CYTH1: variants seen among roughly 807,000 people sequenced by gnomAD.
CYTH1 encodes the protein cytohesin-1.
Under a neutral mutation model 61.8 loss-of-function variants are expected in CYTH1, and 18 were observed. The observed-to-expected ratio is 0.29, with a 90% CI of 0.20 to 0.43. The LOEUF (loss-of-function observed/expected upper bound fraction) is 0.43. Among genes scored for constraint, CYTH1 ranks in the 20% least tolerant of loss-of-function variants. The pLI, the probability that CYTH1 is intolerant of heterozygous loss-of-function variation, is 1.00. For synonymous variants in CYTH1, 174 were observed against 184.3 expected, an observed-to-expected ratio of 0.94 and a Z score of 0.45; for missense variants, 336 against 510.5, an observed-to-expected ratio of 0.66 and a Z score of 3.29.
chr17:78,780,027 A>G (rs143342610), intron 1 of CYTH1, among the ~76,000 whole-genome samples: 91 of 152,396 alleles, frequency 6.0e-4, no homozygotes, highest in African/African-American at 2.0e-3. Context: ...TGCCCACGGC[A>G]GCAGGCAAGA....
chr17:78,717,711 T>G lies in CYTH1; in HGVS notation c.23-7979A>C, dbSNP rs1010411347. On this transcript the variant is annotated intron_variant, in intron 1 of 13. Transcript: ENST00000446868. The surrounding 1 kb of genome is among the most constrained non-coding windows in gnomAD (Gnocchi z 4.4). The stretch of plus-strand genomic sequence containing the variant: ...AGATGCCCGGGGATATGCCATAAAG[T>G]TCCACGGAAAACGCAGCTCTCTGAC... Among the ~76,000 whole-genome samples, 1 of 152,050 alleles carries G rather than the reference T, an allele frequency of 6.6e-6. No individual in the cohort carries two copies. Among genetic ancestry groups the G allele is most frequent in the African/African-American group, 2.4e-5 (1 of 41,392 alleles).
intron 1 of CYTH1, among the ~76,000 whole-genome samples, chr17:78,779,442 T>C (rs1432522425): frequency 6.7e-6 from 1 of 150,152 alleles, no homozygotes; most frequent in Non-Finnish European, 1.5e-5. Flanking sequence ...AAGAATAAAC[T>C]TACAAACTTT....
chr17:78,748,322 T>C (rs1219982276), intron 1 of CYTH1, among the ~76,000 whole-genome samples: 4 of 152,202 alleles, frequency 2.6e-5, no homozygotes, highest in Non-Finnish European at 5.9e-5. Flanking sequence ...CGTCAGCTGG[T>C]GTAAGTATTG....
At chr17:78,767,712 G>A (rs2093454835) in intron 1 of CYTH1, among the ~76,000 whole-genome samples, 1 of 151,740 alleles carries the variant, frequency 6.6e-6, no homozygotes, top group South Asian at 2.1e-4. Context: ...ATAAGTGAAT[G>A]GTGATAAAAG....
chr17:78,774,451 T>C (rs1187578995), intron 1 of CYTH1, among the ~76,000 whole-genome samples: 2 of 152,086 alleles, frequency 1.3e-5, no homozygotes, highest in African/African-American at 4.8e-5. Flanking sequence ...TGCACAGAAG[T>C]GTTCTGGTTT....
At chr17:78,683,593 C>T (rs1202911031) in intron 11 of CYTH1, among the ~76,000 whole-genome samples, 2 of 152,154 alleles carry the variant, frequency 1.3e-5, no homozygotes, top group Non-Finnish European at 2.9e-5. Flanking sequence ...GAGAAGTCCT[C>T]AGCATTCGAG....
chr17:78,750,200 T>C (rs1477775123), intron 1 of CYTH1, among the ~76,000 whole-genome samples: 1 of 152,160 alleles, frequency 6.6e-6, no homozygotes. Context: ...AAGATGCGTT[T>C]TGGAAGTAGA....
At chr17:78,734,241 C>CA (rs35615036) in intron 1 of CYTH1, among the ~76,000 whole-genome samples, 3,191 of 127,478 alleles carry the variant, frequency 0.025, 58 homozygotes, top group East Asian at 0.13. Flanking sequence ...GACTCTGTCT[C>CA]AAAAAAAAAA....
At chr17:78,750,267 ATCAAAACAT>A (rs1243045745) in intron 1 of CYTH1, among the ~76,000 whole-genome samples, 2 of 152,238 alleles carry the variant, frequency 1.3e-5, no homozygotes, top group African/African-American at 4.8e-5. Context: ...GAAGGCTGAT[ATCAAAACAT>A]TCAAAACATT....
intron 1 of CYTH1, among the ~76,000 whole-genome samples, chr17:78,712,581 G>A (rs2093145421): frequency 6.6e-6 from 1 of 152,018 alleles, no homozygotes; most frequent in Non-Finnish European, 1.5e-5. Flanking sequence ...GCTTGAAGTT[G>A]GGAGGTGAAG....
At chr17:78,684,503 G>A (rs565301370) in intron 11 of CYTH1, among the ~76,000 whole-genome samples, 1 of 152,284 alleles carries the variant, frequency 6.6e-6, no homozygotes, top group African/African-American at 2.4e-5. Context: ...AAATAACCGA[G>A]GCCAACGTCT....
At chr17:78,732,228 T>G (rs1312087818) in intron 1 of CYTH1, among the ~76,000 whole-genome samples, 1 of 152,178 alleles carries the variant, frequency 6.6e-6, no homozygotes, top group Non-Finnish European at 1.5e-5. Flanking sequence ...GATACTGACA[T>G]CTTAGAAAAT....
At position 78,699,030 on chromosome 17, in the gene CYTH1, C is replaced by T. The variant is rs2092978485; in HGVS notation, c.551-62G>A. 40 of 1,564,956 alleles carry T rather than the reference C, an allele frequency of 2.6e-5. No homozygotes were observed. In the South Asian group the frequency reaches 4.3e-4, roughly 17 times the overall value. ...TGCTCAGATGTTCAGAAACATCCCA[C>T]CCGCAAGAGCAAGAGTGGTATCAGA... On this transcript the variant is annotated intron_variant, in intron 7 of 13. Transcript: ENST00000446868.
intron 1 of CYTH1, among the ~76,000 whole-genome samples, chr17:78,738,832 AC>A (rs2093331336): frequency 6.6e-6 from 1 of 152,158 alleles, no homozygotes; most frequent in African/African-American, 2.4e-5. Flanking sequence ...AGGGCAGGTC[AC>A]TTCTATTTTC....
chr17:78,677,222 G>A (rs1386678345), intron 13 of CYTH1: 5 of 388,298 alleles, frequency 1.3e-5, no homozygotes, highest in Non-Finnish European at 2.1e-5. Context: ...CTGCTTTCAT[G>A]TTTGGAGGTG....
At chr17:78,740,532 T>C (rs555141454) in intron 1 of CYTH1, among the ~76,000 whole-genome samples, 16 of 152,322 alleles carry the variant, frequency 1.1e-4, no homozygotes, top group Middle Eastern at 3.4e-3. Context: ...CCCTTAAAGC[T>C]GGAAGCATGG....
chr17:78,760,443 GTATATATATATACATACA>G (rs1567879311), intron 1 of CYTH1, among the ~76,000 whole-genome samples: 1 of 31,862 alleles, frequency 3.1e-5, no homozygotes, highest in East Asian at 9.8e-4. Flanking sequence ...ATATATATAT[GTATATATATATACATACA>G]TATATATATG....
intron 1 of CYTH1, among the ~76,000 whole-genome samples, chr17:78,775,865 T>C (rs1047795005): frequency 6.6e-6 from 1 of 152,198 alleles, no homozygotes; most frequent in African/African-American, 2.4e-5. Flanking sequence ...ATAGAAATTA[T>C]GCTTAAAGGC....
Position 78,701,900 on chromosome 17 carries a change from A to G in CYTH1, c.357-149T>C, listed in dbSNP as rs531452527. ...ACTTGTGCACACTGTCCGCAAGAAG[A>G]CTGGCTAGCTCTGCTGACTGGCTGA... On this transcript the variant is annotated intron_variant, in intron 5 of 13. Transcript: ENST00000446868. The G allele has an allele frequency of 2.4e-4, 200 of 831,336 alleles. No homozygotes were observed. The African/African-American group carries it at 2.6e-3, about 11-fold the overall frequency. 51.5% of individuals were successfully genotyped at this position (831,336 alleles called of 1,614,324 possible).
Sources: allele counts gnomAD v4.1 joint callset (sites outside exome capture counted in the v4.1 genomes callset), GRCh38; gene constraint gnomAD v4.1.1; non-coding constraint Gnocchi (gnomAD v3.1); transcripts MANE v1.5; gene names NCBI Gene and HGNC (gene_info 2026-07-23, HGNC 2026-07-21).